Variants in HOOK3 observed in about 807,000 individuals in gnomAD.
HOOK3 encodes the protein protein Hook homolog 3.
HOOK3 carries 24 observed loss-of-function variants against 116.3 expected under a neutral mutation model. The ratio of observed to expected loss-of-function variants is 0.21; its 90% CI spans 0.15 to 0.29. The LOEUF (loss-of-function observed/expected upper bound fraction) is 0.29, where lower values mean the gene tolerates loss of function less well. HOOK3 is among the 10% of genes least tolerant of loss of function. HOOK3 has a pLI of 1.00. For missense variants in HOOK3, 632 were observed against 830.2 expected (o/e 0.76, Z 2.93); for synonymous variants, 275 against 283.0 (o/e 0.97, Z 0.28).
At position 42,943,330 on chromosome 8, in the gene HOOK3, T is replaced by G. The variant is rs1299688298; in HGVS notation, c.285T>G (p.Ile95Met). Residue 95 changes from isoleucine (I) to methionine (M), a missense_variant, in exon 5 of 22, where the codon ATT (isoleucine) becomes ATG (methionine). Coordinates refer to ENST00000307602, the MANE Select transcript of HOOK3 (RefSeq NM_032410.4). ...DYNHEILGQQINDFTLPDVNL... is the reference protein window; with the variant it reads ...DYNHEILGQQMNDFTLPDVNL... ...CCATTCAGATTTTAGGACAGCAAAT[T>G]AATGACTTTACCCTTCCTGATGTGA... The G allele has an allele frequency of 6.6e-7, 1 of 1,506,928 alleles. No individual in the cohort carries two copies. Among genetic ancestry groups the G allele is most frequent in the Non-Finnish European group, 8.9e-7 (1 of 1,124,454 alleles). The allele number at this position is 1,506,928 out of a possible 1,614,324, so 93.3% of individuals were successfully genotyped here. A position where few individuals can be genotyped will look rare whatever the true frequency, so the allele number is the denominator to read the frequency against.
rs1433795852 is a variant in HOOK3 at position 43,019,174 on chromosome 8, A to G, written c.*676A>G. 1 of 209,948 alleles carries G rather than the reference A, an allele frequency of 4.8e-6. No individual in the cohort carries two copies. Among genetic ancestry groups the G allele is most frequent in the Non-Finnish European group, 9.7e-6 (1 of 103,328 alleles). 13.0% of individuals were successfully genotyped at this position (209,948 alleles called of 1,614,324 possible). A position where few individuals can be genotyped will look rare whatever the true frequency, so the allele number is the denominator to read the frequency against. Reference sequence around the variant, plus strand: ...AAACATAAATACATAAAATTTCATTATTTCCTGCTATCTTGTTTGCTGGCA... The same window carrying G: ...AAACATAAATACATAAAATTTCATTGTTTCCTGCTATCTTGTTTGCTGGCA... On this transcript the variant is annotated 3_prime_UTR_variant, in exon 22 of 22. Coordinates refer to ENST00000307602, the MANE Select transcript of HOOK3 (RefSeq NM_032410.4).
At chr8:43,011,348 C>A (rs1586634133) in intron 19 of HOOK3, among the ~76,000 whole-genome samples, 1 of 152,100 alleles carries the variant, frequency 6.6e-6, no homozygotes, top group Non-Finnish European at 1.5e-5. Flanking sequence ...AAGTTAATAT[C>A]TTTAAGGAGA....
At chr8:42,930,901 A>ATCAT (rs999888836) in intron 4 of HOOK3, among the ~76,000 whole-genome samples, 1 of 152,156 alleles carries the variant, frequency 6.6e-6, no homozygotes, top group African/African-American at 2.4e-5. Context: ...ATGCCAAGCC[A>ATCAT]TCATTCACTC....
At chr8:42,927,243 TG>T (rs1807784384) in intron 3 of HOOK3, among the ~76,000 whole-genome samples, 1 of 149,764 alleles carries the variant, frequency 6.7e-6, no homozygotes, top group Non-Finnish European at 1.5e-5. Context: ...TTAATGGCAC[TG>T]GTTTTTTTTT....
In HOOK3 at chr8:43,022,085, T is replaced by TAAAA. The variant is rs35656895; in HGVS notation, c.*3604_*3607dup. The stretch of plus-strand genomic sequence containing the variant: ...TGTTTAAAAACAAAACAGGCTGTTG[T>TAAAA]AAAAAAAAAAAAAAAAAAAACTTCT... On this transcript the variant is annotated 3_prime_UTR_variant, in exon 22 of 22. Coordinates refer to ENST00000307602, the MANE Select transcript of HOOK3 (RefSeq NM_032410.4). 1,305 of 145,240 alleles carry TAAAA rather than the reference T, an allele frequency of 9.0e-3. 19 individuals carry two copies. Among genetic ancestry groups the TAAAA allele is most frequent in the African/African-American group, 0.032 (1,062 of 33,296 alleles). 9.0% of individuals were successfully genotyped at this position (145,240 alleles called of 1,614,324 possible).
chr8:42,940,081 G>A (rs1034106867), intron 4 of HOOK3, among the ~76,000 whole-genome samples: 4 of 152,200 alleles, frequency 2.6e-5, no homozygotes, highest in East Asian at 1.9e-4. Context: ...CAGACGGGGC[G>A]GCGGCCGGGC....
chr8:42,920,754 G>A, intron 2 of HOOK3, among the ~76,000 whole-genome samples: 1 of 152,216 alleles, frequency 6.6e-6, no homozygotes, highest in East Asian at 1.9e-4. Context: ...TTAACTGTCT[G>A]ATTGAGCTTG....
chr8:42,988,864 T>C (rs970771144), intron 15 of HOOK3, among the ~76,000 whole-genome samples: 3 of 152,218 alleles, frequency 2.0e-5, no homozygotes, highest in African/African-American at 4.8e-5. Flanking sequence ...TCTCACAGGA[T>C]GTTTTTTCTC....
At chr8:42,955,929 C>T (rs1808424248) in intron 6 of HOOK3, among the ~76,000 whole-genome samples, 1 of 151,918 alleles carries the variant, frequency 6.6e-6, no homozygotes, top group Non-Finnish European at 1.5e-5. Context: ...AGTGGCTATT[C>T]CCAGGTGTGA....
chr8:42,974,509 G>A (rs1033781258), intron 13 of HOOK3, among the ~76,000 whole-genome samples: 2 of 152,202 alleles, frequency 1.3e-5, no homozygotes, highest in Non-Finnish European at 2.9e-5. Context: ...AAAGTGCTGG[G>A]ATTATAGGCG....
chr8:43,026,148 T>C lies in HOOK3; in HGVS notation c.*7650T>C. The C allele has an allele frequency of 4.8e-6, 1 of 206,242 alleles. No homozygotes were observed. Among genetic ancestry groups the C allele is most frequent in the Non-Finnish European group, 9.9e-6 (1 of 101,116 alleles). 12.8% of individuals were successfully genotyped at this position (206,242 alleles called of 1,614,324 possible). ...GAAGGAAAATAATTACTTTAGCAGT[T>C]ATGTTGTAAAATTAATAAAAAGGAC... On this transcript the variant is annotated 3_prime_UTR_variant, in exon 22 of 22. Coordinates refer to ENST00000307602, the MANE Select transcript of HOOK3 (RefSeq NM_032410.4).
chr8:42,992,214 C>CA (rs899444458), intron 15 of HOOK3, among the ~76,000 whole-genome samples: 4 of 150,632 alleles, frequency 2.7e-5, no homozygotes, highest in Non-Finnish European at 5.9e-5. Context: ...TCCTGGCGAA[C>CA]ACGGTGAAAC....
rs760175222 is a variant in HOOK3 at position 42,906,298 on chromosome 8, A to G, written c.143+40A>G. The G allele has an allele frequency of 3.0e-6, 4 of 1,330,260 alleles. No individual in the cohort carries two copies. The African/African-American group carries it at 5.8e-5, about 19-fold the overall frequency. 82.4% of individuals were successfully genotyped at this position (1,330,260 alleles called of 1,614,324 possible). ...CTTATCTTTATGTGTATTCTTATGC[A>G]TGGATATTTGTTAGGTTGAAAACAT... On this transcript the variant is annotated intron_variant, in intron 2 of 21. Transcript: ENST00000307602.
In HOOK3 at chr8:43,020,877, C is replaced by T. The variant is rs1272516863; in HGVS notation, c.*2379C>T. The T allele has an allele frequency of 1.1e-5, 2 of 180,964 alleles. No homozygotes were observed. The highest frequency in any genetic ancestry group is 4.8e-5 in the African/African-American group (2 of 42,098). The allele number at this position is 180,964 out of a possible 1,614,324, so 11.2% of individuals were successfully genotyped here. A position where few individuals can be genotyped will look rare whatever the true frequency, so the allele number is the denominator to read the frequency against. On this transcript the variant is annotated 3_prime_UTR_variant, in exon 22 of 22. Transcript: ENST00000307602. Reference sequence around the variant, plus strand: ...GCACTTTGGGAGGCCGAGACAGGCACATCATCTGAGGTCAGGACTTCCAGA... The same window carrying T: ...GCACTTTGGGAGGCCGAGACAGGCATATCATCTGAGGTCAGGACTTCCAGA...
intron 3 of HOOK3, among the ~76,000 whole-genome samples, chr8:42,927,596 AATTT>A (rs2130360573): frequency 6.6e-6 from 1 of 151,900 alleles, no homozygotes; most frequent in African/African-American, 2.4e-5. Flanking sequence ...AAGGACAGGC[AATTT>A]ATTTATTTTT....
At chr8:42,973,118 G>A (rs1405052774) in intron 11 of HOOK3, among the ~76,000 whole-genome samples, 171 bp from the exon 12 acceptor site, 1 of 152,208 alleles carries the variant, frequency 6.6e-6, no homozygotes, top group Non-Finnish European at 1.5e-5. Context: ...GGACCGAATA[G>A]TAACCGGGCA....
chr8:42,962,802 T>C (rs1453252132), intron 8 of HOOK3, among the ~76,000 whole-genome samples: 1 of 145,584 alleles, frequency 6.9e-6, no homozygotes, highest in African/African-American at 2.6e-5. Context: ...TCTTCTTTTT[T>C]TTTTTTTTTT....
chr8:42,904,374 A>T (rs1651328262), intron 1 of HOOK3, among the ~76,000 whole-genome samples: 1 of 138,488 alleles, frequency 7.2e-6, no homozygotes, highest in African/African-American at 2.8e-5. Context: ...CAGTGGCATG[A>T]TCTTGGCTCA....
chr8:42,908,608 A>C (rs1807360420), intron 2 of HOOK3, among the ~76,000 whole-genome samples: 1 of 152,280 alleles, frequency 6.6e-6, no homozygotes, highest in East Asian at 1.9e-4. Context: ...GGATATCTAC[A>C]TGCAGAAGAA....
Sources: allele counts gnomAD v4.1 joint callset (sites outside exome capture counted in the v4.1 genomes callset), GRCh38; gene constraint gnomAD v4.1.1; transcripts MANE v1.5; gene names NCBI Gene and HGNC (gene_info 2026-07-23, HGNC 2026-07-21).